Variants in DCHS2 observed in about 807,000 individuals in gnomAD.
DCHS2 encodes the protein dachsous cadherin-related 2.
A neutral mutation model predicts 182.4 loss-of-function variants in DCHS2; 142 were observed. The ratio of observed to expected loss-of-function variants is 0.78; its 90% CI spans 0.68 to 0.89. DCHS2 has a LOEUF of 0.89. Among genes scored for constraint, DCHS2 ranks in the 40% least tolerant of loss-of-function variants. DCHS2 has a pLI of 0.00. For synonymous variants in DCHS2, 1,740 were observed against 1,663.3 expected (o/e 1.05, Z -1.12); for missense variants, 4,319 against 4,198.6 (o/e 1.03, Z -0.79).
intron 16 of DCHS2, among the ~76,000 whole-genome samples, chr4:154,254,322 G>T (rs777313116): frequency 6.6e-6 from 1 of 152,122 alleles, no homozygotes; most frequent in Non-Finnish European, 1.5e-5. Context: ...CTCAATATGC[G>T]GGTGTGCTTT....
At chr4:154,339,231 G>A (rs1003302723) in intron 3 of DCHS2, among the ~76,000 whole-genome samples, 1 of 152,156 alleles carries the variant, frequency 6.6e-6, no homozygotes, top group East Asian at 1.9e-4. Flanking sequence ...GTTAGGCAGA[G>A]AGCAAATTCA....
At chr4:154,290,369 A>T (rs1326507983) in intron 13 of DCHS2, among the ~76,000 whole-genome samples, 1 of 152,110 alleles carries the variant, frequency 6.6e-6, no homozygotes, top group Non-Finnish European at 1.5e-5. Flanking sequence ...CATACTATCA[A>T]AAGCAACCTA....
chr4:154,348,617 G>A (rs1392106624), intron 3 of DCHS2, among the ~76,000 whole-genome samples: 1 of 151,880 alleles, frequency 6.6e-6, no homozygotes, highest in East Asian at 1.9e-4. Context: ...ACACAAGGAA[G>A]GACACAAGAA....
At chr4:154,366,065 T>C (rs1032070475) in intron 3 of DCHS2, 145 bp downstream of exon 3, 2 of 636,892 alleles carry the variant, frequency 3.1e-6, no homozygotes, top group African/African-American at 1.8e-5. Flanking sequence ...ATTTTCAATA[T>C]ACTTCAGCAT....
intron 1 of DCHS2, among the ~76,000 whole-genome samples, chr4:154,482,564 C>G (rs529485414): frequency 1.3e-5 from 2 of 151,974 alleles, no homozygotes; most frequent in African/African-American, 2.4e-5. Context: ...AAGAAGTGAG[C>G]GAAAAAGACC....
intron 1 of DCHS2, among the ~76,000 whole-genome samples, chr4:154,438,073 C>T (rs185078950): frequency 6.6e-6 from 1 of 152,244 alleles, no homozygotes; most frequent in Admixed American, 6.5e-5. Context: ...CTGTATACTT[C>T]CTCACTGTCA....
At chr4:154,317,189 C>T (rs1422717621) in intron 9 of DCHS2, among the ~76,000 whole-genome samples, 2 of 152,168 alleles carry the variant, frequency 1.3e-5, no homozygotes, top group Non-Finnish European at 2.9e-5. Flanking sequence ...CTTTGAAAAA[C>T]ATCTCCATTG....
chr4:154,360,687 A>G (rs1392348812), intron 3 of DCHS2, among the ~76,000 whole-genome samples: 1 of 152,186 alleles, frequency 6.6e-6, no homozygotes, highest in African/African-American at 2.4e-5. Context: ...ATTGGAAAAG[A>G]ATCTGCCCTT....
intron 1 of DCHS2, among the ~76,000 whole-genome samples, chr4:154,470,637 G>A (rs931952838): frequency 3.3e-5 from 5 of 152,110 alleles, no homozygotes; most frequent in Non-Finnish European, 7.4e-5. Context: ...TTTTAACGCT[G>A]CTGTACATAT....
intron 5 of DCHS2, among the ~76,000 whole-genome samples, 180 bp downstream of exon 5, chr4:154,332,298 T>C (rs1197813440): frequency 6.6e-6 from 1 of 152,244 alleles, no homozygotes; most frequent in East Asian, 1.9e-4. Flanking sequence ...AGTAATCGAA[T>C]ACCTTATTTA....
chr4:154,396,124 C>T (rs1169230615), intron 1 of DCHS2, among the ~76,000 whole-genome samples: 1 of 152,062 alleles, frequency 6.6e-6, no homozygotes, highest in African/African-American at 2.4e-5. Flanking sequence ...ATCTGGTCTG[C>T]CTTAAGAAGA....
chr4:154,415,766 G>A (rs916237474), intron 1 of DCHS2, among the ~76,000 whole-genome samples: 3 of 152,142 alleles, frequency 2.0e-5, no homozygotes, highest in Admixed American at 6.5e-5. Flanking sequence ...CCAAAGCGTG[G>A]CCAGGAATCA....
At chr4:154,339,711 T>G (rs749975624) in intron 3 of DCHS2, among the ~76,000 whole-genome samples, 1 of 152,168 alleles carries the variant, frequency 6.6e-6, no homozygotes, top group African/African-American at 2.4e-5. Context: ...CCTCCCAGAG[T>G]GCTGGGATTA....
chr4:154,234,482 T>C lies in DCHS2; in HGVS notation c.*54A>G. On this transcript the variant is annotated 3_prime_UTR_variant, in exon 20 of 20. Coordinates refer to ENST00000357232, the MANE Select transcript of DCHS2 (RefSeq NM_001358235.2). ...TCTCGAGTTGCTGGCTTGAAAACAT[T>C]TTGTTCATTCATTCATGACCAATGG... 1.4e-6 allele frequency: 2 copies of C among 1,474,294 alleles called. No individual in the cohort carries two copies. The highest frequency in any genetic ancestry group is 5.0e-5 in the Admixed American group (2 of 39,854). The allele number at this position is 1,474,294 out of a possible 1,614,324, so 91.3% of individuals were successfully genotyped here.
intron 1 of DCHS2, among the ~76,000 whole-genome samples, chr4:154,489,066 A>C (rs1266817705): frequency 2.0e-5 from 3 of 152,154 alleles, no homozygotes; most frequent in Non-Finnish European, 2.9e-5. Flanking sequence ...AATAAGATAA[A>C]TCAAGATCTA....
In DCHS2 at chr4:154,328,095, G is replaced by A. The variant is rs1481189876; in HGVS notation, c.4016C>T (p.Ser1339Leu). ...CCCGTATGAACAGTAAGTTTTACCT[G>A]AAGATACTGAGTATGTAACTTCTGC... ...NNAEVTYSVS[S>L]EDSSDHFKID... Residue 1339 changes from serine to leucine, a missense_variant and splice_region_variant, in exon 7 of 20, where the codon TCA (serine) becomes TTA (leucine). Coordinates refer to ENST00000357232, the MANE Select transcript of DCHS2 (RefSeq NM_001358235.2). 3 of 1,595,672 alleles carry A rather than the reference G, an allele frequency of 1.9e-6. No individual in the cohort carries two copies. Among genetic ancestry groups the A allele is most frequent in the East Asian group, 2.3e-5 (1 of 44,110 alleles).
At position 154,320,732 on chromosome 4, in the gene DCHS2, C is replaced by T; in HGVS notation, c.4667G>A (p.Gly1556Asp). The change falls in exon 9 of 20, where the codon GGC (glycine) becomes GAC (aspartate). Residue 1556 changes from glycine (G) to aspartate (D), a missense_variant. Coordinates refer to ENST00000357232, the MANE Select transcript of DCHS2 (RefSeq NM_001358235.2). The stretch of plus-strand genomic sequence containing the variant: ...GGGGTGGATGAGAAATGGATTCGTG[C>T]CAGGGTTGTGGGATTCAATGTAGTA... Reference protein sequence around the residue: ...IQYYIESHNPGTNPFLIHPSF... With the variant: ...IQYYIESHNPDTNPFLIHPSF... 6.2e-7 allele frequency: 1 copy of T among 1,613,960 alleles called. No individual in the cohort carries two copies. Among genetic ancestry groups the T allele is most frequent in the Non-Finnish European group, 8.5e-7 (1 of 1,179,964 alleles).
intron 1 of DCHS2, among the ~76,000 whole-genome samples, chr4:154,444,328 T>A (rs556500240): frequency 2.6e-5 from 4 of 152,216 alleles, no homozygotes; most frequent in African/African-American, 9.6e-5. Context: ...ATCTCAAAAT[T>A]AACATACCCC....
At chr4:154,449,998 G>A (rs1470273997) in intron 1 of DCHS2, among the ~76,000 whole-genome samples, 1 of 152,132 alleles carries the variant, frequency 6.6e-6, no homozygotes, top group Non-Finnish European at 1.5e-5. Context: ...GTCCCTTGTG[G>A]CTTTGAGTAC....
Sources: allele counts gnomAD v4.1 joint callset (sites outside exome capture counted in the v4.1 genomes callset), GRCh38; gene constraint gnomAD v4.1.1; transcripts MANE v1.5; gene names NCBI Gene and HGNC (gene_info 2026-07-23, HGNC 2026-07-21).